Variants in XXYLT1 observed in about 807,000 individuals in gnomAD.
XXYLT1 encodes UDP-xylose:alpha-xyloside alpha-1,3-xylosyltransferase.
XXYLT1 carries 20 observed loss-of-function variants against 28.9 expected under a neutral mutation model. The ratio of observed to expected loss-of-function variants is 0.69; its 90% CI spans 0.49 to 1.00. The LOEUF is 1.00. Among genes scored for constraint, XXYLT1 ranks in the 50% least tolerant of loss-of-function variants. XXYLT1 has a pLI of 0.00. For synonymous variants in XXYLT1, 257 were observed against 253.8 expected (o/e 1.01, Z -0.12); for missense variants, 542 against 560.1 (o/e 0.97, Z 0.33).
chr3:195,098,358 C>T (rs1442934080), intron 3 of XXYLT1, among the ~76,000 whole-genome samples: 1 of 152,246 alleles, frequency 6.6e-6, no homozygotes, highest in East Asian at 1.9e-4. Context: ...TCGAGACCAT[C>T]CTGGCTAACA....
intron 3 of XXYLT1, among the ~76,000 whole-genome samples, chr3:195,089,434 T>G (rs1014785424): frequency 0.012 from 1,808 of 152,098 alleles, 36 homozygotes; most frequent in African/African-American, 0.042. Flanking sequence ...CTAAGCTTCA[T>G]AAGTGAAGGA....
chr3:195,106,492 C>T (rs1053351291), intron 3 of XXYLT1, among the ~76,000 whole-genome samples: 2 of 152,274 alleles, frequency 1.3e-5, no homozygotes, highest in African/African-American at 2.4e-5. Context: ...GTGTCTACGC[C>T]GGGCTCGCTG....
At chr3:195,251,585 T>C (rs376387374) in intron 1 of XXYLT1, among the ~76,000 whole-genome samples, 47 of 152,250 alleles carry the variant, frequency 3.1e-4, no homozygotes, top group African/African-American at 1.1e-3. Flanking sequence ...ACAGAGACTC[T>C]GAACGCTCTC....
intron 2 of XXYLT1, among the ~76,000 whole-genome samples, chr3:195,212,981 C>T (rs892001174): frequency 7.2e-5 from 11 of 152,220 alleles, no homozygotes; most frequent in Non-Finnish European, 1.2e-4. Context: ...ACTCCATCCC[C>T]GGGGCCCCCA....
intron 3 of XXYLT1, among the ~76,000 whole-genome samples, chr3:195,099,830 C>CAAAAAAAAAAAAAAAA (rs35428286): frequency 1.0e-5 from 1 of 97,222 alleles, no homozygotes; most frequent in African/African-American, 3.4e-5. Flanking sequence ...GACTCTGTCT[C>CAAAAAAAAAAAAAAAA]AAAAAAAAAA....
chr3:195,194,095 A>G (rs1414563081), intron 2 of XXYLT1, among the ~76,000 whole-genome samples: 1 of 152,034 alleles, frequency 6.6e-6, no homozygotes, highest in Non-Finnish European at 1.5e-5. Flanking sequence ...ATAAAAAATA[A>G]ATCAATATTA....
In XXYLT1 at chr3:195,256,455, G is replaced by C. The variant is rs1220617704; in HGVS notation, c.504+14100C>G. ...CTGCACAGGGCAGGGCCCGAGAAAC[G>C]AACCAGTACCTCCCAGAGGACGGAA... On this transcript the variant is annotated intron_variant, in intron 1 of 3. Transcript: ENST00000310380. This position sits in a 1 kb window ranked among gnomAD's most constrained non-coding sequence, Gnocchi z 4.2. The C allele has an allele frequency of 4.1e-6, 4 of 984,578 alleles. No homozygotes were observed. The African/African-American group carries it at 7.0e-5, about 17-fold the overall frequency. The allele number at this position is 984,578 out of a possible 1,614,324, so 61.0% of individuals were successfully genotyped here.
chr3:195,069,595 A>G lies in XXYLT1; in HGVS notation c.*120T>C. ...GCCCGGCAGGAGGTCTCAGCACCTT[A>G]ATCACAGGACTTCCCTGCGGTGTCT... On this transcript the variant is annotated 3_prime_UTR_variant, in exon 4 of 4. Transcript: ENST00000310380. The G allele has an allele frequency of 7.1e-7, 1 of 1,412,732 alleles. No homozygotes were observed. Among genetic ancestry groups the G allele is most frequent in the Non-Finnish European group, 9.5e-7 (1 of 1,053,946 alleles). The allele number at this position is 1,412,732 out of a possible 1,614,324, so 87.5% of individuals were successfully genotyped here. A position where few individuals can be genotyped will look rare whatever the true frequency, so the allele number is the denominator to read the frequency against.
At chr3:195,169,139 C>A (rs1721270332) in intron 2 of XXYLT1, among the ~76,000 whole-genome samples, 3 of 151,138 alleles carry the variant, frequency 2.0e-5, no homozygotes, top group Admixed American at 2.0e-4. Context: ...GCCTGGCTGG[C>A]CGACCATGAT....
At chr3:195,169,982 C>T (rs541115321) in intron 2 of XXYLT1, among the ~76,000 whole-genome samples, 7 of 118,460 alleles carry the variant, frequency 5.9e-5, no homozygotes, top group African/African-American at 1.9e-4. Flanking sequence ...TCTCCTGCCT[C>T]AGCCTTCCAA....
intron 2 of XXYLT1, among the ~76,000 whole-genome samples, chr3:195,188,488 T>A (rs975500215): frequency 6.6e-6 from 1 of 152,198 alleles, no homozygotes; most frequent in African/African-American, 2.4e-5. Flanking sequence ...TAAATATGAG[T>A]GCAGAATTGC....
intron 3 of XXYLT1, among the ~76,000 whole-genome samples, chr3:195,134,890 C>T (rs1719113274): frequency 1.4e-5 from 2 of 146,958 alleles, no homozygotes; most frequent in African/African-American, 5.1e-5. Context: ...CGTGCGCGCA[C>T]GTGCAAAGAG....
At chr3:195,262,304 G>T (rs2108855717) in intron 1 of XXYLT1, among the ~76,000 whole-genome samples, 1 of 152,316 alleles carries the variant, frequency 6.6e-6, no homozygotes, top group African/African-American at 2.4e-5. Context: ...AGAGCAAGCT[G>T]ATTTGTAGTC....
rs1721652325 is a variant in XXYLT1, at chr3:195,176,087, C to T, written c.653-19506G>A. On this transcript the variant is annotated intron_variant, in intron 2 of 3. Transcript: ENST00000310380. This position sits in a 1 kb window ranked among gnomAD's most constrained non-coding sequence, Gnocchi z 4.9. ...ATTTTTTTTTTTTGAGACAGGGTCT[C>T]ACTCTATCGCCCAAGCTGGAGTGCA... is the stretch of plus-strand genomic sequence containing the variant. Among the ~76,000 whole-genome samples the T allele has an allele frequency of 6.6e-6, 1 of 152,034 alleles. No individual in the cohort carries two copies. The highest frequency in any genetic ancestry group is 2.4e-5 in the African/African-American group (1 of 41,390).
At chr3:195,175,927 A>G in intron 2 of XXYLT1, 1 of 1,394,072 alleles carries the variant, frequency 7.2e-7, no homozygotes, top group Non-Finnish European at 9.3e-7. Flanking sequence ...AGTCACAGAA[A>G]TTTCAGTCAT....
intron 3 of XXYLT1, among the ~76,000 whole-genome samples, chr3:195,141,556 C>T (rs769928516): frequency 2.0e-5 from 3 of 152,216 alleles, no homozygotes; most frequent in Non-Finnish European, 1.5e-5. Flanking sequence ...GGCAGGGCTA[C>T]ACTGCCAGCC....
At chr3:195,242,817 T>G (rs960035042) in intron 1 of XXYLT1, among the ~76,000 whole-genome samples, 2 of 152,178 alleles carry the variant, frequency 1.3e-5, no homozygotes, top group African/African-American at 4.8e-5. Flanking sequence ...CCATAACACT[T>G]GCTACACCCA....
intron 2 of XXYLT1, among the ~76,000 whole-genome samples, chr3:195,172,865 C>T (rs1055964299): frequency 6.6e-6 from 1 of 152,162 alleles, no homozygotes; most frequent in African/African-American, 2.4e-5. Context: ...TCAAGGAATG[C>T]ATTTAGCACA....
At chr3:195,154,021 A>C (rs1294595482) in intron 3 of XXYLT1, 2 of 152,378 alleles carry the variant, frequency 1.3e-5, no homozygotes, top group African/African-American at 2.4e-5. Context: ...AAAGGCCCCA[A>C]GGTGGCAGAG....
Sources: gnomAD v4.1 joint callset for allele counts (sites outside exome capture counted in the v4.1 genomes callset) on GRCh38, gnomAD v4.1.1 for gene constraint, Gnocchi (gnomAD v3.1) non-coding constraint, MANE v1.5 for transcripts, NCBI Gene and HGNC (gene_info 2026-07-23, HGNC 2026-07-21) for gene names.